IGDCC4: variants seen among roughly 807,000 people sequenced by gnomAD.
IGDCC4 encodes likely ortholog of mouse neighbor of Punc E11.
A neutral mutation model predicts 116.6 loss-of-function variants in IGDCC4; 72 were observed. The ratio of observed to expected loss-of-function variants is 0.62; its 90% CI spans 0.51 to 0.75. The LOEUF is 0.75. Among genes scored for constraint, IGDCC4 ranks in the 30% least tolerant of loss-of-function variants. The pLI is 0.00. For missense variants in IGDCC4, 1,501 were observed against 1,662.4 expected (o/e 0.90, Z 1.69); for synonymous variants, 709 against 719.9 (o/e 0.98, Z 0.24).
At chr15:65,422,708 C>T in intron 1 of IGDCC4, 85 bp downstream of exon 1, 4 of 1,114,350 alleles carry the variant, frequency 3.6e-6, no homozygotes, top group East Asian at 3.7e-5. Context: ...CCGGCTTGAG[C>T]CAGCCCCGCA....
rs2277583 is a variant in IGDCC4, at chr15:65,393,357, G to A, written c.1885+4C>T. 254,352 of 1,606,726 alleles carry A rather than the reference G, an allele frequency of 0.16. 21,784 individuals are homozygous for A. The highest frequency in any genetic ancestry group is 0.3 in the Admixed American group (18,144 of 59,544). On this transcript the variant is annotated splice_donor_region_variant and intron_variant, in intron 10 of 19. Transcript: ENST00000352385. This position sits in a 1 kb window ranked among gnomAD's most constrained non-coding sequence, Gnocchi z 4.6. ...ACTGTCCTGTCTCTCCTCTAACCCCGTACCATGGCTCTGGTTGTGCATACT... is the reference window on the plus strand; with the variant it reads ...ACTGTCCTGTCTCTCCTCTAACCCCATACCATGGCTCTGGTTGTGCATACT...
intron 12 of IGDCC4, 98 bp from the exon 13 acceptor site, chr15:65,390,436 A>G (rs191043806): frequency 9.2e-5 from 90 of 981,490 alleles, no homozygotes; most frequent in East Asian, 5.8e-4. Context: ...TCTTTGACCC[A>G]CTCCTTTGAT....
rs534016787 is a variant in IGDCC4 at position 65,384,556 on chromosome 15, G to A, written c.3343-137C>T. 2.3e-6 allele frequency: 2 copies of A among 854,764 alleles called. No homozygotes were observed. Among genetic ancestry groups the A allele is most frequent in the South Asian group, 2.1e-5 (1 of 48,752 alleles). The allele number at this position is 854,764 out of a possible 1,614,324, so 52.9% of individuals were successfully genotyped here. A position where few individuals can be genotyped will look rare whatever the true frequency, so the allele number is the denominator to read the frequency against. ...ATGGGAGTCGGTGAAGGATACACAG[G>A]AACTGTTCGAACCTATACAAAGGCA... On this transcript the variant is annotated intron_variant, in intron 19 of 19. Coordinates refer to ENST00000352385, the MANE Select transcript of IGDCC4 (RefSeq NM_020962.3). The surrounding 1 kb of genome is among the most constrained non-coding windows in gnomAD (Gnocchi z 4.9).
chr15:65,391,166 G>T (rs1400032596), intron 12 of IGDCC4, among the ~76,000 whole-genome samples: 1 of 152,156 alleles, frequency 6.6e-6, no homozygotes, highest in Non-Finnish European at 1.5e-5. Context: ...GGAGGCAGAG[G>T]TTGCAGTGAG....
intron 1 of IGDCC4, 96 bp from the exon 2 acceptor site, chr15:65,411,466 A>C: frequency 2.0e-6 from 2 of 992,174 alleles, no homozygotes; most frequent in South Asian, 1.9e-5. Flanking sequence ...GGGGCAAATC[A>C]AGGAGAAACA....
chr15:65,391,347 A>G (rs375897528), intron 12 of IGDCC4, among the ~76,000 whole-genome samples: 20 of 152,182 alleles, frequency 1.3e-4, no homozygotes, highest in South Asian at 8.3e-4. Flanking sequence ...GAGGTGTCCA[A>G]TGCAGGGCCA....
intron 18 of IGDCC4, 68 bp downstream of exon 18, chr15:65,385,763 C>T: frequency 7.9e-7 from 1 of 1,272,500 alleles, no homozygotes; most frequent in East Asian, 2.3e-5. Flanking sequence ...CGCATAGCCA[C>T]GCGTTGTGCT....
chr15:65,404,465 C>A (rs2063021275), intron 3 of IGDCC4, among the ~76,000 whole-genome samples: 1 of 152,120 alleles, frequency 6.6e-6, no homozygotes, highest in Non-Finnish European at 1.5e-5. Flanking sequence ...CAGGCCCCAC[C>A]CCCATCCATC....
In IGDCC4 at chr15:65,386,580, C is replaced by G. The variant is rs201889653; in HGVS notation, c.2922G>C (p.Met974Ile). 9 of 1,610,556 alleles carry G rather than the reference C, an allele frequency of 5.6e-6. No homozygotes were observed. In the Admixed American group the frequency reaches 8.4e-5, roughly 15 times the overall value. The change falls in exon 17 of 20, where the codon ATG becomes ATC. Residue 974 changes from methionine (M) to isoleucine (I), a missense_variant. Physicochemically the swap from Met to Ile is conservative, Grantham distance 10. Transcript: ENST00000352385. ...GGGGGCTGCGGCGCAGGCCAGCACA[C>G]ATGCAGGCCAGGAGGCAGAGGAGGC... ...CLGLLCLLAC[M>I]CAGLRRSPHR...
Position 65,394,518 on chromosome 15 carries a change from G to A in IGDCC4, c.1607C>T (p.Ser536Phe). Reference protein sequence around the residue: ...VPSAAPQLSLSSPNPSDIRVA... With the variant: ...VPSAAPQLSLFSPNPSDIRVA... Reference sequence around the variant, plus strand: ...CCTGATGTCCGAAGGGTTGGGGCTGGACAGGGAGAGCTGGGGTGCTGCACT... The same window carrying A: ...CCTGATGTCCGAAGGGTTGGGGCTGAACAGGGAGAGCTGGGGTGCTGCACT... Residue 536 changes from serine to phenylalanine, a missense_variant, in exon 9 of 20, where the codon TCC (serine) becomes TTC (phenylalanine). Coordinates refer to ENST00000352385, the MANE Select transcript of IGDCC4 (RefSeq NM_020962.3). The A allele has an allele frequency of 3.1e-6, 5 of 1,611,410 alleles. No homozygotes were observed. The highest frequency in any genetic ancestry group is 4.2e-6 in the Non-Finnish European group (5 of 1,178,486).
In IGDCC4 at chr15:65,386,559, G is replaced by T. The variant is rs772705182; in HGVS notation, c.2943C>A (p.Ser981Arg). Reference protein sequence around the residue: ...LACMCAGLRRSPHRESLPGLS... With the variant: ...LACMCAGLRRRPHRESLPGLS... ...CTGGCTCCCCTGCTCACCTGTGGGG[G>T]CTGCGGCGCAGGCCAGCACACATGC... The change falls in exon 17 of 20, where the codon AGC becomes AGA. Residue 981 changes from serine (S) to arginine (R), a missense_variant. Ser to Arg is a moderately radical substitution (Grantham distance 110). Around this residue, in one of 3 missense-constraint regions of IGDCC4, gnomAD observed 368 missense variants for 355.6 expected, o/e 1.03. Coordinates refer to ENST00000352385, the MANE Select transcript of IGDCC4 (RefSeq NM_020962.3). 4 of 1,601,104 alleles carry T rather than the reference G, an allele frequency of 2.5e-6. No homozygotes were observed. The highest frequency in any genetic ancestry group is 1.3e-5 in the African/African-American group (1 of 74,884).
chr15:65,415,261 G>C (rs1372245070), intron 1 of IGDCC4, among the ~76,000 whole-genome samples: 1 of 152,190 alleles, frequency 6.6e-6, no homozygotes, highest in African/African-American at 2.4e-5. Flanking sequence ...CCTAAAGCAT[G>C]TCCCAGGCTT....
chr15:65,419,794 G>A (rs547281482), intron 1 of IGDCC4, among the ~76,000 whole-genome samples: 12 of 152,316 alleles, frequency 7.9e-5, no homozygotes, highest in East Asian at 7.7e-4. Flanking sequence ...ACCTTTGTGC[G>A]TGTGATAAGA....
rs1248526399 is a variant in IGDCC4, at chr15:65,422,912, C to G, written c.-50G>C. 1 of 984,094 alleles carries G rather than the reference C, an allele frequency of 1.0e-6. No individual in the cohort carries two copies. The highest frequency in any genetic ancestry group is 1.2e-6 in the Non-Finnish European group (1 of 829,068). The allele number at this position is 984,094 out of a possible 1,614,324, so 61.0% of individuals were successfully genotyped here. A position where few individuals can be genotyped will look rare whatever the true frequency, so the allele number is the denominator to read the frequency against. On this transcript the variant is annotated 5_prime_UTR_variant, in exon 1 of 20. Transcript: ENST00000352385. ...CCGCCGCCGCCTCCCCGTGCTTCGG[C>G]CGCCGCCGCGGGGGGAGAGCGCGCC...
chr15:65,389,084 G>C, intron 14 of IGDCC4, 106 bp from the exon 15 acceptor site: 1 of 1,077,714 alleles, frequency 9.3e-7, no homozygotes, highest in Non-Finnish European at 1.3e-6. Flanking sequence ...ACAAAGCAAA[G>C]ATGAGGTCTG....
At chr15:65,411,407 T>TC in intron 1 of IGDCC4, 37 bp from the exon 2 acceptor site, 3 of 1,467,148 alleles carry the variant, frequency 2.0e-6, no homozygotes, top group Non-Finnish European at 1.8e-6. Context: ...TCAGTGTATG[T>TC]CCCCCCACCT....
chr15:65,389,193 C>G, intron 14 of IGDCC4, 91 bp downstream of exon 14: 1 of 1,548,290 alleles, frequency 6.5e-7, no homozygotes. Context: ...TCTGCCCAAA[C>G]CTTGGGGTTC....
Position 65,411,379 on chromosome 15 carries a change from A to G in IGDCC4, c.71-9T>C. ...GGGCAACAGCAGCTCCCCTGCATAG[A>G]GGAGGAGCACGGGGCCATCAGTGTA... is the stretch of plus-strand genomic sequence containing the variant. On this transcript the variant is annotated splice_polypyrimidine_tract_variant and intron_variant, in intron 1 of 19. Coordinates refer to ENST00000352385, the MANE Select transcript of IGDCC4 (RefSeq NM_020962.3). 1.9e-6 allele frequency: 3 copies of G among 1,548,122 alleles called. No individual in the cohort carries two copies. Among genetic ancestry groups the G allele is most frequent in the Non-Finnish European group, 2.6e-6 (3 of 1,143,996 alleles).
chr15:65,388,764 G>T lies in IGDCC4; in HGVS notation c.2707+44C>A. The T allele has an allele frequency of 2.5e-6, 4 of 1,612,132 alleles. No individual in the cohort carries two copies. In the East Asian group the frequency reaches 6.7e-5, roughly 27 times the overall value. ...GTTCTCACTGCTGGAAGCGGGAGAGGCTGGGAAGCTCTTGAGCAGATGCCC... is the reference window on the plus strand; with the variant it reads ...GTTCTCACTGCTGGAAGCGGGAGAGTCTGGGAAGCTCTTGAGCAGATGCCC... On this transcript the variant is annotated intron_variant, in intron 15 of 19. Transcript: ENST00000352385.
Sources: allele counts gnomAD v4.1 joint callset (sites outside exome capture counted in the v4.1 genomes callset), GRCh38; gene constraint gnomAD v4.1.1; regional missense constraint gnomAD v4.1.1; non-coding constraint Gnocchi (gnomAD v3.1); transcripts MANE v1.5; gene names NCBI Gene and HGNC (gene_info 2026-07-23, HGNC 2026-07-21).